The following PSPC1 variants were observed in gnomAD, a reference collection of about 807,000 sequenced individuals.
PSPC1 encodes paraspeckle component 1.
PSPC1 carries 14 observed loss-of-function variants against 51.6 expected under a neutral mutation model. The ratio of observed to expected loss-of-function variants is 0.27; its 90% confidence interval spans 0.18 to 0.42. The LOEUF (loss-of-function observed/expected upper bound fraction) is 0.42, where lower values mean the gene tolerates loss of function less well. Ranked by LOEUF, PSPC1 falls within the 10% of genes least tolerant of loss-of-function variation. PSPC1 has a pLI of 1.00. For synonymous variants in PSPC1, 193 were observed against 231.9 expected, an observed-to-expected ratio of 0.83 and a Z score of 1.53; for missense variants, 406 against 701.1, an observed-to-expected ratio of 0.58 and a Z score of 4.75.
intron 6 of PSPC1, among the ~76,000 whole-genome samples, chr13:19,687,481 C>T (rs1878044869): frequency 6.6e-6 from 1 of 152,176 alleles, no homozygotes; most frequent in Non-Finnish European, 1.5e-5. Flanking sequence ...GTTGCTTACT[C>T]TACTGACAAT....
At chr13:19,765,344 A>ATTATT (rs1555248075) in intron 2 of PSPC1, among the ~76,000 whole-genome samples, 2,475 of 141,290 alleles carry the variant, frequency 0.018, 42 homozygotes, top group African/African-American at 0.047. Context: ...TAATAATAAT[A>ATTATT]ATTATTATTA....
intron 6 of PSPC1, among the ~76,000 whole-genome samples, chr13:19,726,346 T>C (rs926342885): frequency 2.6e-5 from 4 of 152,216 alleles, no homozygotes; most frequent in African/African-American, 7.2e-5. Context: ...AAGCAAGGTG[T>C]AGAGTTTTCT....
intron 1 of PSPC1, among the ~76,000 whole-genome samples, chr13:19,774,814 A>T (rs1459016938): frequency 5.3e-5 from 8 of 149,814 alleles, no homozygotes; most frequent in South Asian, 2.1e-4. Context: ...CCAAAAAAAA[A>T]AAAACAAAAA....
intron 4 of PSPC1, among the ~76,000 whole-genome samples, chr13:19,742,655 C>T (rs1320657576): frequency 6.6e-6 from 1 of 152,186 alleles, no homozygotes; most frequent in Non-Finnish European, 1.5e-5. Flanking sequence ...AGGAGAATCA[C>T]TTGAATATGG....
At chr13:19,701,671 G>C (rs1411718135), downstream of PSPC1, among the ~76,000 whole-genome samples, 2 of 152,152 alleles carry the variant, frequency 1.3e-5, no homozygotes, top group South Asian at 2.1e-4. Flanking sequence ...CTGCTTTTAT[G>C]CAAAATTTAA....
At chr13:19,739,816 A>T (rs192082683) in intron 5 of PSPC1, among the ~76,000 whole-genome samples, 1 of 152,068 alleles carries the variant, frequency 6.6e-6, no homozygotes, top group Non-Finnish European at 1.5e-5. Flanking sequence ...GAAAAGTTTT[A>T]AAAAAGGTTC....
At chr13:19,685,827 G>A (rs1877809499) in intron 6 of PSPC1, among the ~76,000 whole-genome samples, 1 of 152,172 alleles carries the variant, frequency 6.6e-6, no homozygotes, top group Admixed American at 6.5e-5. Flanking sequence ...TCAGACTTGA[G>A]TTTCTCATTT....
intron 6 of PSPC1, among the ~76,000 whole-genome samples, chr13:19,714,705 G>C (rs955613479): frequency 2.3e-4 from 35 of 151,854 alleles, no homozygotes; most frequent in African/African-American, 7.7e-4. Flanking sequence ...ATGTTACTTG[G>C]GATGGTCTTG....
chr13:19,749,828 A>T (rs1404440113), intron 4 of PSPC1, among the ~76,000 whole-genome samples: 1 of 151,994 alleles, frequency 6.6e-6, no homozygotes, highest in African/African-American at 2.4e-5. Flanking sequence ...CTACTCTAAG[A>T]TATAAATGAA....
intron 5 of PSPC1, among the ~76,000 whole-genome samples, chr13:19,734,666 G>T (rs1351957157): frequency 6.6e-6 from 1 of 152,152 alleles, no homozygotes; most frequent in African/African-American, 2.4e-5. Context: ...GCCTGGCGTG[G>T]TGGCAGGTGC....
At chr13:19,730,090 G>C in intron 6 of PSPC1, 149 bp downstream of exon 6, 2 of 602,448 alleles carry the variant, frequency 3.3e-6, no homozygotes, top group East Asian at 2.7e-5. Context: ...CCACCTATGA[G>C]AGGTTAAGAA....
Position 19,761,484 on chromosome 13 carries a change from AG to A in PSPC1, c.675-2067del, listed in dbSNP as rs1887601329. On this transcript the variant is annotated intron_variant, in intron 2 of 8. Coordinates refer to ENST00000338910, the MANE Select transcript of PSPC1 (RefSeq NM_001354909.2). Reference sequence around the variant, plus strand: ...AGAAAAAACTAAGCTAGAGAGATGAAGGGTTTTTGGACTCCAAAAGCTTCTC... The same window carrying A: ...AGAAAAAACTAAGCTAGAGAGATGAAGGTTTTTGGACTCCAAAAGCTTCTC... Among the ~76,000 whole-genome samples the A allele has an allele frequency of 3.3e-5, 5 of 152,192 alleles. No individual in the cohort carries two copies. In the South Asian group the frequency reaches 8.3e-4, roughly 25 times the overall value.
chr13:19,692,637 CCTCCT>C (rs1345536192), intron 6 of PSPC1, among the ~76,000 whole-genome samples: 1 of 150,780 alleles, frequency 6.6e-6, no homozygotes, highest in Non-Finnish European at 1.5e-5. Context: ...TGGATTATGC[CCTCCT>C]CTCCCTCTAG....
At chr13:19,721,173 C>T (rs1361227659) in intron 6 of PSPC1, among the ~76,000 whole-genome samples, 1 of 152,108 alleles carries the variant, frequency 6.6e-6, no homozygotes, top group East Asian at 1.9e-4. Flanking sequence ...CTATGTAGAA[C>T]AAGCACTGTA....
intron 1 of PSPC1, among the ~76,000 whole-genome samples, chr13:19,777,340 G>A (rs1349639463): frequency 7.0e-6 from 1 of 143,488 alleles, no homozygotes; most frequent in Non-Finnish European, 1.5e-5. Context: ...TGAGGTAGGA[G>A]AATCGCTTTA....
intron 5 of PSPC1, among the ~76,000 whole-genome samples, chr13:19,739,875 A>AC (rs994161822): frequency 1.3e-5 from 2 of 151,964 alleles, no homozygotes; most frequent in African/African-American, 4.8e-5. Flanking sequence ...AAAAAAAAAA[A>AC]AAAAAACAGT....
At chr13:19,671,861 G>C (rs541458851), downstream of PSPC1, 1 of 1,614,156 alleles carries the variant, frequency 6.2e-7, no homozygotes, top group South Asian at 1.1e-5. Context: ...TGCATACAGA[G>C]TGCAGCTGCA....
intron 4 of PSPC1, among the ~76,000 whole-genome samples, chr13:19,745,619 A>G (rs1251666588): frequency 7.1e-6 from 1 of 140,756 alleles, no homozygotes; most frequent in Non-Finnish European, 1.6e-5. Context: ...CACTGAATTA[A>G]TTTTTTTTTT....
At chr13:19,758,974 T>C (rs976713767) in intron 3 of PSPC1, among the ~76,000 whole-genome samples, 1 of 151,584 alleles carries the variant, frequency 6.6e-6, no homozygotes, top group African/African-American at 2.4e-5. Flanking sequence ...AATTAGTATG[T>C]TTTACCCATA....
Sources: gnomAD v4.1 joint callset for allele counts (sites outside exome capture counted in the v4.1 genomes callset) on GRCh38, gnomAD v4.1.1 for gene constraint, MANE v1.5 for transcripts, NCBI Gene and HGNC (gene_info 2026-07-23, HGNC 2026-07-21) for gene names.